The following MYLK variants were observed in gnomAD, a reference collection of about 807,000 sequenced individuals.
MYLK encodes myosin light chain kinase, smooth muscle.
In MYLK, 106 loss-of-function variants were observed where a neutral mutation model predicts 203.4. The ratio of observed to expected loss-of-function variants is 0.52; its 90% CI spans 0.45 to 0.61. The LOEUF is 0.61. Among genes scored for constraint, MYLK ranks in the 20% least tolerant of loss-of-function variants. The probability of loss-of-function intolerance (pLI) is 0.00; values close to 1 mark genes in which losing one functional copy is unlikely to be tolerated. For synonymous variants in MYLK, 867 were observed against 959.5 expected, an observed-to-expected ratio of 0.90 and a Z score of 1.78; for missense variants, 2,072 against 2,442.3, an observed-to-expected ratio of 0.85 and a Z score of 3.20.
chr3:123,821,152 A>AAAAT (rs1174465571), intron 3 of MYLK, among the ~76,000 whole-genome samples: 1 of 152,232 alleles, frequency 6.6e-6, no homozygotes, highest in African/African-American at 2.4e-5. Context: ...GATTCTTTTA[A>AAAAT]AAATAAATAA....
At chr3:123,692,291 G>A (rs1257532968) in intron 19 of MYLK, 1 of 1,122,582 alleles carries the variant, frequency 8.9e-7, no homozygotes, top group Non-Finnish European at 1.1e-6. Flanking sequence ...ACCTCCTCTA[G>A]GAAGTCTCCC....
At chr3:123,743,398 G>A (rs948878153) in intron 5 of MYLK, among the ~76,000 whole-genome samples, 1 of 152,118 alleles carries the variant, frequency 6.6e-6, no homozygotes, top group African/African-American at 2.4e-5. Flanking sequence ...AGTTAACAGA[G>A]AGTTCACATC....
chr3:123,709,734 A>G, intron 14 of MYLK, 22 bp downstream of exon 14: 1 of 1,538,998 alleles, frequency 6.5e-7, no homozygotes, highest in Non-Finnish European at 9.0e-7. Flanking sequence ...TTAATCCCCA[A>G]GAGAGAGCTG....
chr3:123,675,107 A>G (rs2060032015), intron 20 of MYLK, among the ~76,000 whole-genome samples: 1 of 152,274 alleles, frequency 6.6e-6, no homozygotes, highest in Admixed American at 6.5e-5. Context: ...GCTGAGAAAT[A>G]TAGCCCTGGG....
At chr3:123,626,781 G>A in intron 31 of MYLK, 37 bp downstream of exon 31, 1 of 1,613,876 alleles carries the variant, frequency 6.2e-7, no homozygotes. Flanking sequence ...ACAAATATGA[G>A]GGGCAACATC....
intron 5 of MYLK, among the ~76,000 whole-genome samples, chr3:123,743,047 G>A (rs555485377): frequency 1.4e-4 from 21 of 152,272 alleles, no homozygotes; most frequent in African/African-American, 4.6e-4. Context: ...TGAGATAGCA[G>A]TGATGGCTGC....
intron 2 of MYLK, among the ~76,000 whole-genome samples, chr3:123,863,431 C>T (rs865966575): frequency 1.1e-4 from 16 of 142,920 alleles, no homozygotes; most frequent in South Asian, 1.1e-3. Flanking sequence ...AGGCAAGCTA[C>T]AAATTAGAAA....
At chr3:123,844,822 G>GTT (rs146243787) in intron 2 of MYLK, among the ~76,000 whole-genome samples, 23 of 117,828 alleles carry the variant, frequency 2.0e-4, no homozygotes, top group Non-Finnish European at 2.8e-4. Flanking sequence ...CTCCTCAGTT[G>GTT]TTTTTTTTTT....
In MYLK at chr3:123,733,949, G is replaced by C; in HGVS notation, c.1047C>G (p.Ala349=). The C allele has an allele frequency of 6.2e-7, 1 of 1,614,166 alleles. No homozygotes were observed. Among genetic ancestry groups the C allele is most frequent in the Non-Finnish European group, 8.5e-7 (1 of 1,180,040 alleles). ...CTCTTGGTTCCGGCTGAACTCTTGCGGCCTGCAGGGTGATGGAGCTGGAAG... is the reference window on the plus strand; with the variant it reads ...CTCTTGGTTCCGGCTGAACTCTTGCCGCCTGCAGGGTGATGGAGCTGGAAG... ...QKTSSSITLQ[A]ARVQPEPRAP... The change falls in exon 10 of 34, where the codon GCC becomes GCG. Residue 349 remains alanine, a synonymous_variant. Coordinates refer to ENST00000360304, the MANE Select transcript of MYLK (RefSeq NM_053025.4).
intron 11 of MYLK, among the ~76,000 whole-genome samples, chr3:123,728,149 C>T (rs1042916335): frequency 8.5e-5 from 13 of 152,144 alleles, no homozygotes; most frequent in Middle Eastern, 3.2e-3. Context: ...TCAAAAGCAA[C>T]GGTTTCAGAA....
rs184714215 is a variant in MYLK at position 123,758,878 on chromosome 3, G to A, written c.166-6340C>T. 3.6e-3 allele frequency among the ~76,000 whole-genome samples: 543 copies of A among 152,088 alleles called. 10 individuals carry two copies. The highest frequency in any genetic ancestry group is 1.1e-3 in the Non-Finnish European group (72 of 67,996). ...CTCACTCTGTTGCCCAGGCTAGAGTGCAGTGGCACAATCAGCTCATTTTGC... is the reference window on the plus strand; with the variant it reads ...CTCACTCTGTTGCCCAGGCTAGAGTACAGTGGCACAATCAGCTCATTTTGC... On this transcript the variant is annotated intron_variant, in intron 4 of 33. Transcript: ENST00000360304.
chr3:123,644,871 ATAG>A (rs2058960630), intron 27 of MYLK, among the ~76,000 whole-genome samples: 1 of 152,208 alleles, frequency 6.6e-6, no homozygotes, highest in Non-Finnish European at 1.5e-5. Context: ...GTTCCATGAA[ATAG>A]TAGAATTTTA....
intron 3 of MYLK, among the ~76,000 whole-genome samples, chr3:123,812,773 G>A (rs997281349): frequency 1.3e-5 from 2 of 152,152 alleles, no homozygotes; most frequent in African/African-American, 4.8e-5. Context: ...CGTTGACTGG[G>A]GGCCCCACTG....
At position 123,854,707 on chromosome 3, in the gene MYLK, T is replaced by C. The variant is rs188881026; in HGVS notation, c.-127+21852A>G. Among the ~76,000 whole-genome samples the C allele has an allele frequency of 1.0e-3, 153 of 152,296 alleles. 1 individual carries two copies. Among genetic ancestry groups the C allele is most frequent in the Non-Finnish European group, 1.7e-3 (114 of 68,002 alleles). ...AAGCCCAAACCTTAGCATCTCACAA[T>C]ATATTCTTGTAATTTGCACGTGTAC... On this transcript the variant is annotated intron_variant, in intron 2 of 33. Transcript: ENST00000360304.
At chr3:123,712,084 C>A (rs748416741) in intron 13 of MYLK, among the ~76,000 whole-genome samples, 1 of 152,204 alleles carries the variant, frequency 6.6e-6, no homozygotes, top group Admixed American at 6.5e-5. Flanking sequence ...TAACCCCCCA[C>A]GGTCCCCTTG....
At chr3:123,792,205 T>C (rs976771784) in intron 4 of MYLK, among the ~76,000 whole-genome samples, 1 of 152,240 alleles carries the variant, frequency 6.6e-6, no homozygotes, top group Admixed American at 6.5e-5. Flanking sequence ...CCATATTTGT[T>C]TGACTTGAGG....
Position 123,669,425 on chromosome 3 carries a change from T to C in MYLK, c.3653-2238A>G, listed in dbSNP as rs1414830719. 1.2e-3 allele frequency among the ~76,000 whole-genome samples: 4 copies of C among 3,396 alleles called. No homozygotes were observed. The South Asian group carries it at 0.25, about 212-fold the overall frequency. 2.2% of individuals were successfully genotyped at this position (3,396 alleles called of 152,430 possible). ...TGGTCCACAGGAAAGAGGAAAGGCTTTTTTTTTTTTTTCTTTTGCCATAAA... is the reference window on the plus strand; with the variant it reads ...TGGTCCACAGGAAAGAGGAAAGGCTCTTTTTTTTTTTTCTTTTGCCATAAA... On this transcript the variant is annotated intron_variant, in intron 20 of 33. Transcript: ENST00000360304.
chr3:123,653,986 T>TGTGTG (rs2059306675), intron 24 of MYLK, among the ~76,000 whole-genome samples: 36 of 137,650 alleles, frequency 2.6e-4, no homozygotes, highest in South Asian at 5.0e-4. Context: ...CAGAGGGATG[T>TGTGTG]TGTGTGTGTG....
In MYLK at chr3:123,835,232, C is replaced by T. The variant is rs113985971; in HGVS notation, c.-126-3562G>A. 5.5e-3 allele frequency among the ~76,000 whole-genome samples: 840 copies of T among 152,260 alleles called. 11 individuals carry two copies. The highest frequency in any genetic ancestry group is 0.019 in the African/African-American group (795 of 41,538). On this transcript the variant is annotated intron_variant, in intron 2 of 33. Transcript: ENST00000360304. ...TCTGGGTGTGGGGCTGAGAAACCTG[C>T]GTATTGACAAGTCCTCCAGGTGACT...
Sources: allele counts gnomAD v4.1 joint callset (sites outside exome capture counted in the v4.1 genomes callset), GRCh38; gene constraint gnomAD v4.1.1; transcripts MANE v1.5; gene names NCBI Gene and HGNC (gene_info 2026-07-23, HGNC 2026-07-21).